STXBP5: variants seen among roughly 807,000 people sequenced by gnomAD.
The protein encoded by STXBP5 is syntaxin-binding protein 5.
A neutral mutation model predicts 152.4 loss-of-function variants in STXBP5; 50 were observed. The ratio of observed to expected loss-of-function variants is 0.33; its 90% CI spans 0.26 to 0.42. STXBP5 has a LOEUF of 0.42. STXBP5 is among the 10% of genes least tolerant of loss of function. The pLI, the probability that STXBP5 is intolerant of heterozygous loss-of-function variation, is 1.00. For synonymous variants in STXBP5, 492 were observed against 494.7 expected, an observed-to-expected ratio of 0.99 and a Z score of 0.07; for missense variants, 1,167 against 1,388.6, an observed-to-expected ratio of 0.84 and a Z score of 2.54.
intron 11 of STXBP5, among the ~76,000 whole-genome samples, chr6:147,313,562 A>G (rs1782487553): frequency 1.3e-5 from 2 of 152,160 alleles, no homozygotes; most frequent in Non-Finnish European, 2.9e-5. Flanking sequence ...CTTTTGACAC[A>G]TTATTCTCTG....
chr6:147,297,140 A>C (rs1781566143), intron 9 of STXBP5, among the ~76,000 whole-genome samples: 1 of 152,178 alleles, frequency 6.6e-6, no homozygotes, highest in African/African-American at 2.4e-5. Context: ...GATTAAATTC[A>C]AAAGGTCCTC....
At chr6:147,296,703 G>A (rs1781543682) in intron 9 of STXBP5, among the ~76,000 whole-genome samples, 1 of 151,932 alleles carries the variant, frequency 6.6e-6, no homozygotes, top group South Asian at 2.1e-4. Flanking sequence ...AACTCAGCAA[G>A]ATACAAGAGA....
chr6:147,324,116 C>A (rs1270301074), intron 16 of STXBP5, among the ~76,000 whole-genome samples: 1 of 152,084 alleles, frequency 6.6e-6, no homozygotes, highest in African/African-American at 2.4e-5. Flanking sequence ...ACCTCAAAGT[C>A]AAGGTAGATT....
intron 2 of STXBP5, among the ~76,000 whole-genome samples, chr6:147,213,477 T>TGTGTGTGTGTGTGTGTGTGC: frequency 2.4e-4 from 31 of 131,322 alleles, no homozygotes; most frequent in African/African-American, 8.3e-4. Context: ...TGTGTGTGTG[T>TGTGTGTGTGTGTGTGTGTGC]GCGCGCGCAT....
chr6:147,293,828 A>G (rs1781393280), intron 9 of STXBP5, among the ~76,000 whole-genome samples: 1 of 152,218 alleles, frequency 6.6e-6, no homozygotes, highest in Admixed American at 6.5e-5. Flanking sequence ...TTTATTGAAT[A>G]TATGTCACCC....
intron 4 of STXBP5, among the ~76,000 whole-genome samples, chr6:147,242,373 A>G (rs906820246): frequency 6.6e-6 from 1 of 152,092 alleles, no homozygotes; most frequent in Non-Finnish European, 1.5e-5. Flanking sequence ...TTAATTTATT[A>G]TTGAAGAAAG....
intron 8 of STXBP5, among the ~76,000 whole-genome samples, chr6:147,287,953 CT>C (rs966821919): frequency 0.021 from 3,110 of 148,272 alleles, 108 homozygotes; most frequent in African/African-American, 0.073. Context: ...AGTCATTTTA[CT>C]TTTTTTTTTT....
At chr6:147,291,990 C>G (rs1562466329) in intron 9 of STXBP5, among the ~76,000 whole-genome samples, 1 of 152,044 alleles carries the variant, frequency 6.6e-6, no homozygotes, top group Non-Finnish European at 1.5e-5. Context: ...AGATTCCACC[C>G]TAGATCTACT....
intron 4 of STXBP5, among the ~76,000 whole-genome samples, chr6:147,240,310 G>A (rs1392667715): frequency 1.3e-5 from 2 of 152,034 alleles, no homozygotes; most frequent in African/African-American, 2.4e-5. Flanking sequence ...ATTTTGGCAC[G>A]AAATATGAGT....
chr6:147,325,481 TTTTC>T (rs1263481018), intron 17 of STXBP5, among the ~76,000 whole-genome samples: 2 of 152,202 alleles, frequency 1.3e-5, no homozygotes, highest in African/African-American at 4.8e-5. Context: ...GTTGTGTAAT[TTTTC>T]TTTCTACTTC....
At chr6:147,282,456 T>G (rs1780747150) in intron 8 of STXBP5, among the ~76,000 whole-genome samples, 1 of 152,196 alleles carries the variant, frequency 6.6e-6, no homozygotes, top group Non-Finnish European at 1.5e-5. Flanking sequence ...ATTCCTTTTC[T>G]CTGAGACTTA....
intron 9 of STXBP5, among the ~76,000 whole-genome samples, chr6:147,300,866 C>G (rs1781774788): frequency 6.6e-6 from 1 of 151,448 alleles, no homozygotes; most frequent in South Asian, 2.1e-4. Context: ...AGTGAAGAGA[C>G]AGTCTACAGA....
chr6:147,315,377 A>G, intron 14 of STXBP5, 138 bp from the exon 15 acceptor site: 1 of 570,808 alleles, frequency 1.8e-6, no homozygotes, highest in South Asian at 2.8e-5. Flanking sequence ...TGTTTAATAG[A>G]CTAACGTAAA....
At chr6:147,279,307 C>T (rs989747297) in intron 8 of STXBP5, among the ~76,000 whole-genome samples, 11 of 152,266 alleles carry the variant, frequency 7.2e-5, no homozygotes, top group African/African-American at 9.6e-5. Flanking sequence ...CCTCACCCTA[C>T]GAGAATCCTT....
At chr6:147,284,028 T>G (rs1033266097) in intron 8 of STXBP5, among the ~76,000 whole-genome samples, 1 of 152,232 alleles carries the variant, frequency 6.6e-6, no homozygotes, top group Non-Finnish European at 1.5e-5. Flanking sequence ...AAAACTAATT[T>G]TAATAACATA....
At chr6:147,219,409 A>G (rs535945566) in intron 2 of STXBP5, among the ~76,000 whole-genome samples, 13 of 152,160 alleles carry the variant, frequency 8.5e-5, no homozygotes, top group Non-Finnish European at 1.6e-4. Flanking sequence ...TGGTATTCAT[A>G]TTAGTGTAAT....
Position 147,353,387 on chromosome 6 carries a change from A to T in STXBP5, c.2305+14A>T. The stretch of plus-strand genomic sequence containing the variant: ...AGCCTGATTTAGGTAAGTAAAATAA[A>T]TATTCAAAATAATTTAACTCCCTAT... On this transcript the variant is annotated intron_variant, in intron 22 of 27. Coordinates refer to ENST00000321680, the MANE Select transcript of STXBP5 (RefSeq NM_001127715.4). The T allele has an allele frequency of 6.5e-7, 1 of 1,532,612 alleles. No homozygotes were observed. The highest frequency in any genetic ancestry group is 1.4e-5 in the African/African-American group (1 of 71,726). The allele number at this position is 1,532,612 out of a possible 1,614,324, so 94.9% of individuals were successfully genotyped here. A position where few individuals can be genotyped will look rare whatever the true frequency, so the allele number is the denominator to read the frequency against.
chr6:147,375,982 A>T (rs1268875669), intron 26 of STXBP5, among the ~76,000 whole-genome samples: 2 of 152,192 alleles, frequency 1.3e-5, no homozygotes, highest in Non-Finnish European at 2.9e-5. Context: ...AAACCTTGCC[A>T]TCACACTAAA....
chr6:147,241,532 A>G (rs1435358569), intron 4 of STXBP5, among the ~76,000 whole-genome samples: 1 of 152,186 alleles, frequency 6.6e-6, no homozygotes. Flanking sequence ...TGTGTTGCAT[A>G]ACGATGTTAC....
Sources: allele counts gnomAD v4.1 joint callset (sites outside exome capture counted in the v4.1 genomes callset), GRCh38; gene constraint gnomAD v4.1.1; transcripts MANE v1.5; gene names NCBI Gene and HGNC (gene_info 2026-07-23, HGNC 2026-07-21).